The following MMS22L variants were observed in gnomAD, a reference collection of about 807,000 sequenced individuals.
MMS22L encodes the protein protein MMS22-like.
Under a neutral mutation model 159.1 loss-of-function variants are expected in MMS22L, and 74 were observed. The observed-to-expected ratio is 0.47, with a 90% CI of 0.39 to 0.56. MMS22L has a LOEUF of 0.56. Among genes scored for constraint, MMS22L ranks in the 20% least tolerant of loss-of-function variants. MMS22L has a pLI of 0.00. For missense variants in MMS22L, 1,351 were observed against 1,422.1 expected (o/e 0.95, Z 0.80); for synonymous variants, 517 against 506.9 (o/e 1.02, Z -0.27).
intron 10 of MMS22L, among the ~76,000 whole-genome samples, chr6:97,252,155 A>G (rs779313643): frequency 2.0e-5 from 3 of 152,076 alleles, no homozygotes; most frequent in African/African-American, 7.2e-5. Flanking sequence ...CTGCAATTCC[A>G]TATTACAATA....
chr6:97,217,794 C>G (rs1266961858), intron 14 of MMS22L, among the ~76,000 whole-genome samples: 3 of 152,112 alleles, frequency 2.0e-5, no homozygotes, highest in Non-Finnish European at 4.4e-5. Context: ...ATTCTATTTT[C>G]TTATGTTGTG....
chr6:97,193,415 TAC>T (rs1407011756), intron 14 of MMS22L, among the ~76,000 whole-genome samples: 81 of 152,324 alleles, frequency 5.3e-4, no homozygotes, highest in Non-Finnish European at 8.5e-4. Context: ...TATGAAAACA[TAC>T]CAGTAAGAAG....
chr6:97,186,758 T>C, intron 14 of MMS22L, 68 bp from the exon 15 acceptor site: 1 of 1,198,012 alleles, frequency 8.3e-7, no homozygotes, highest in Non-Finnish European at 1.1e-6. Context: ...TAAAGTACAT[T>C]TTGAGCTTTT....
At chr6:97,182,789 C>T (rs985929096) in intron 15 of MMS22L, among the ~76,000 whole-genome samples, 1 of 151,006 alleles carries the variant, frequency 6.6e-6, no homozygotes, top group South Asian at 2.1e-4. Context: ...CTAGACTATT[C>T]TCCCCTCTTC....
In MMS22L at chr6:97,267,994, C is replaced by G; in HGVS notation, c.706G>C (p.Val236Leu). 1 of 1,555,418 alleles carries G rather than the reference C, an allele frequency of 6.4e-7. No homozygotes were observed. The highest frequency in any genetic ancestry group is 8.7e-7 in the Non-Finnish European group (1 of 1,154,554). The change falls in exon 8 of 25, where the codon GTA (valine) becomes CTA (leucine). Residue 236 changes from valine (V) to leucine (L), a missense_variant. Coordinates refer to ENST00000683635, the MANE Select transcript of MMS22L (RefSeq NM_001350599.2). The stretch of plus-strand genomic sequence containing the variant: ...AGATTCATAAACTGATGACCATATA[C>G]AACTTGTTCTGAAAATGTAATAAAA... ...YMLGEKLKQV[V>L]YGHQFMNLAS...
intron 14 of MMS22L, among the ~76,000 whole-genome samples, chr6:97,209,935 T>C (rs201496798): frequency 2.0e-5 from 3 of 151,916 alleles, no homozygotes; most frequent in East Asian, 1.9e-4. Context: ...GTGCTGGCAG[T>C]GTAAATCACA....
intron 22 of MMS22L, among the ~76,000 whole-genome samples, chr6:97,157,116 CTCTG>C (rs1356275956): frequency 3.5e-5 from 5 of 143,882 alleles, no homozygotes; most frequent in African/African-American, 4.9e-5. Flanking sequence ...TGATTTGTCT[CTCTG>C]TCTGTTATTG....
chr6:97,177,808 C>A (rs1445521448), intron 18 of MMS22L, among the ~76,000 whole-genome samples: 1 of 152,088 alleles, frequency 6.6e-6, no homozygotes, highest in Non-Finnish European at 1.5e-5. Flanking sequence ...CTAATACCAA[C>A]CACTCTGTGG....
intron 2 of MMS22L, among the ~76,000 whole-genome samples, chr6:97,281,864 A>G (rs956929381): frequency 6.6e-6 from 1 of 152,216 alleles, no homozygotes; most frequent in African/African-American, 2.4e-5. Flanking sequence ...ACTGTAATAT[A>G]TATGTACCTG....
At chr6:97,180,195 G>A (rs930343257) in intron 16 of MMS22L, among the ~76,000 whole-genome samples, 7 of 151,804 alleles carry the variant, frequency 4.6e-5, no homozygotes, top group African/African-American at 1.7e-4. Context: ...TCTGCCTCCC[G>A]GGTTCACGCC....
Position 97,186,679 on chromosome 6 carries a change from T to C in MMS22L, c.2051A>G (p.Gln684Arg), listed in dbSNP as rs200188061. ...CCTTTGAAGTTCCTGACACAATTGT[T>C]GATGCATACTCCTAAAAAGAAATAA... The part of the protein sequence containing the change: ...AVLARIRSMH[Q>R]QLCQELQRDN... Residue 684 changes from glutamine (Q) to arginine (R), a missense_variant, in exon 15 of 25, where the codon CAA (glutamine) becomes CGA (arginine). Transcript: ENST00000683635. The C allele has an allele frequency of 1.9e-6, 3 of 1,552,598 alleles. No homozygotes were observed. Among genetic ancestry groups the C allele is most frequent in the Non-Finnish European group, 2.6e-6 (3 of 1,150,484 alleles).
intron 3 of MMS22L, among the ~76,000 whole-genome samples, chr6:97,279,438 C>T (rs1218017222): frequency 3.3e-5 from 5 of 151,502 alleles, no homozygotes; most frequent in South Asian, 2.1e-4. Flanking sequence ...AAGCAGAGAT[C>T]GCACCACTGC....
chr6:97,272,644 G>GAAT lies in MMS22L; in HGVS notation c.606+57_606+59dup, dbSNP rs1815860791. ...TGACTAATTTCTCTCCTTCTTGAAT[G>GAAT]AATACTCCTTGTGGGGAGAAAAAGC... On this transcript the variant is annotated intron_variant, in intron 6 of 24. Coordinates refer to ENST00000683635, the MANE Select transcript of MMS22L (RefSeq NM_001350599.2). 2.8e-6 allele frequency: 4 copies of GAAT among 1,430,286 alleles called. No individual in the cohort carries two copies. The East Asian group carries it at 9.1e-5, about 33-fold the overall frequency. The allele number at this position is 1,430,286 out of a possible 1,614,324, so 88.6% of individuals were successfully genotyped here.
At chr6:97,268,097 A>C in intron 7 of MMS22L, 95 bp from the exon 8 acceptor site, 1 of 894,820 alleles carries the variant, frequency 1.1e-6, no homozygotes. Flanking sequence ...CAAAACTAAA[A>C]CATACAGTTT....
chr6:97,165,263 G>A lies in MMS22L; in HGVS notation c.3204C>T (p.Cys1068=). Residue 1068 remains cysteine (C), a synonymous_variant, in exon 21 of 25, where the codon TGC becomes TGT. Coordinates refer to ENST00000683635, the MANE Select transcript of MMS22L (RefSeq NM_001350599.2). ...TIPPISSLKK[C]IVQVIRKSYL... ...AGATGTACCTTATGACTTGCACAAT[G>A]CATTTCTTTAGAGATGATATTGGTG... is the stretch of plus-strand genomic sequence containing the variant. 1 of 1,612,376 alleles carries A rather than the reference G, an allele frequency of 6.2e-7. No individual in the cohort carries two copies. Among genetic ancestry groups the A allele is most frequent in the Non-Finnish European group, 8.5e-7 (1 of 1,178,856 alleles).
At chr6:97,166,692 A>C (rs1365406409) in intron 20 of MMS22L, among the ~76,000 whole-genome samples, 2 of 152,158 alleles carry the variant, frequency 1.3e-5, no homozygotes, top group Non-Finnish European at 2.9e-5. Context: ...CAAACAGATA[A>C]TACACCAAAC....
intron 14 of MMS22L, among the ~76,000 whole-genome samples, chr6:97,213,672 A>G (rs1562465721): frequency 6.6e-6 from 1 of 152,196 alleles, no homozygotes; most frequent in Non-Finnish European, 1.5e-5. Flanking sequence ...TTGATAATAT[A>G]AAAATGTAAA....
chr6:97,279,561 G>C (rs1816563036), intron 3 of MMS22L, among the ~76,000 whole-genome samples: 1 of 151,844 alleles, frequency 6.6e-6, no homozygotes, highest in African/African-American at 2.4e-5. Context: ...AAGGCAGGTG[G>C]AACACCTGAG....
intron 14 of MMS22L, among the ~76,000 whole-genome samples, chr6:97,226,218 T>C (rs556003840): frequency 5.3e-5 from 8 of 152,104 alleles, no homozygotes; most frequent in African/African-American, 1.9e-4. Context: ...ATTAGGTAGG[T>C]TTTCATGTTT....
Sources: allele counts gnomAD v4.1 joint callset (sites outside exome capture counted in the v4.1 genomes callset), GRCh38; gene constraint gnomAD v4.1.1; transcripts MANE v1.5; gene names NCBI Gene and HGNC (gene_info 2026-07-23, HGNC 2026-07-21).